FRS2: variants seen among roughly 807,000 people sequenced by gnomAD.
FRS2 encodes the protein FGFR signalling adaptor.
Under a neutral mutation model 43.9 loss-of-function variants are expected in FRS2, and 8 were observed. The ratio of observed to expected loss-of-function variants is 0.18; its 90% confidence interval spans 0.11 to 0.33. The LOEUF (loss-of-function observed/expected upper bound fraction) is 0.33, where lower values mean the gene tolerates loss of function less well. FRS2 is among the 10% of genes least tolerant of loss of function. The pLI, the probability that FRS2 is intolerant of heterozygous loss-of-function variation, is 1.00. For synonymous variants in FRS2, 219 were observed against 220.3 expected, an observed-to-expected ratio of 0.99 and a Z score of 0.05; for missense variants, 534 against 627.6, an observed-to-expected ratio of 0.85 and a Z score of 1.59.
chr12:69,480,379 A>G (rs759536526), intron 1 of FRS2: 1 of 152,118 alleles, frequency 6.6e-6, no homozygotes, highest in Non-Finnish European at 1.5e-5. Context: ...ATCATAAAAT[A>G]TTTGTCTTTT....
intron 1 of FRS2, among the ~76,000 whole-genome samples, chr12:69,471,851 T>C (rs1182505049): frequency 6.6e-6 from 1 of 152,198 alleles, no homozygotes; most frequent in East Asian, 1.9e-4. Flanking sequence ...GTTTATTCTG[T>C]AGTTTTTTGG....
chr12:69,509,637 CTG>C (rs1874277683), intron 1 of FRS2, among the ~76,000 whole-genome samples: 1 of 152,128 alleles, frequency 6.6e-6, no homozygotes, highest in African/African-American at 2.4e-5. Flanking sequence ...ATTCTACTTT[CTG>C]TCTTTATCAG....
intron 3 of FRS2, among the ~76,000 whole-genome samples, chr12:69,536,366 G>A (rs970339145): frequency 6.6e-6 from 1 of 151,378 alleles, no homozygotes; most frequent in Non-Finnish European, 1.5e-5. Flanking sequence ...TCAGGTGATC[G>A]CCCGCCTCAG....
chr12:69,475,658 T>C (rs1270838825), intron 1 of FRS2, among the ~76,000 whole-genome samples: 1 of 152,212 alleles, frequency 6.6e-6, no homozygotes, highest in Non-Finnish European at 1.5e-5. Flanking sequence ...GTATTCAACC[T>C]TGGGAGAGTC....
intron 1 of FRS2, among the ~76,000 whole-genome samples, chr12:69,476,439 G>A (rs1573630): frequency 2.6e-5 from 4 of 151,874 alleles, no homozygotes; most frequent in Admixed American, 1.3e-4. Flanking sequence ...TAAATAACTC[G>A]CCTTTGACAT....
At chr12:69,500,687 A>C (rs778232881) in intron 1 of FRS2, among the ~76,000 whole-genome samples, 1 of 152,098 alleles carries the variant, frequency 6.6e-6, no homozygotes, top group Non-Finnish European at 1.5e-5. Context: ...TCATCTTTTT[A>C]TATATGAACT....
At chr12:69,513,147 G>GT (rs1244742261) in intron 1 of FRS2, among the ~76,000 whole-genome samples, 4 of 77,124 alleles carry the variant, frequency 5.2e-5, no homozygotes, top group Admixed American at 1.1e-4. Flanking sequence ...AAAGTTTGGA[G>GT]TTTGTTTTTT....
intron 1 of FRS2, among the ~76,000 whole-genome samples, chr12:69,477,515 C>G (rs1303147373): frequency 6.6e-6 from 1 of 151,068 alleles, no homozygotes; most frequent in African/African-American, 2.5e-5. Flanking sequence ...ATCTCCTGAC[C>G]TCGTGATCTG....
chr12:69,574,587 G>A lies in FRS2; in HGVS notation c.1159G>A (p.Asp387Asn). The change falls in exon 9 of 9, where the codon GAT (aspartate) becomes AAT (asparagine). Residue 387 changes from aspartate to asparagine, a missense_variant. Transcript: ENST00000549921. Reference sequence around the variant, plus strand: ...TCTAAATGGCTACCATAATAATCTAGATCCAATGCATAACTATGTAAATAC... The same window carrying A: ...TCTAAATGGCTACCATAATAATCTAAATCCAATGCATAACTATGTAAATAC... Reference protein sequence around the residue: ...PSLNGYHNNLDPMHNYVNTEN... With the variant: ...PSLNGYHNNLNPMHNYVNTEN... 1 of 1,613,956 alleles carries A rather than the reference G, an allele frequency of 6.2e-7. No individual in the cohort carries two copies. The highest frequency in any genetic ancestry group is 8.5e-7 in the Non-Finnish European group (1 of 1,179,874).
intron 1 of FRS2, among the ~76,000 whole-genome samples, chr12:69,485,967 A>T (rs1294035618): frequency 6.6e-6 from 1 of 152,222 alleles, no homozygotes; most frequent in Admixed American, 6.5e-5. Context: ...ACTAGAATGT[A>T]CATTCCTTCA....
At chr12:69,478,522 C>G (rs1037920966) in intron 1 of FRS2, among the ~76,000 whole-genome samples, 1 of 152,168 alleles carries the variant, frequency 6.6e-6, no homozygotes, top group Non-Finnish European at 1.5e-5. Context: ...ATCTTCATGA[C>G]ACCTCTCACC....
chr12:69,520,524 G>T (rs1329487254), intron 1 of FRS2, among the ~76,000 whole-genome samples: 2 of 151,778 alleles, frequency 1.3e-5, no homozygotes, highest in Admixed American at 1.3e-4. Flanking sequence ...TGCCTAGGTT[G>T]TCTTCCAGAG....
chr12:69,518,671 G>A lies in FRS2; in HGVS notation c.-260-12194G>A, dbSNP rs548764106. On this transcript the variant is annotated intron_variant, in intron 1 of 8. Transcript: ENST00000549921. ...CGAGGCTGCAGTGAGCAGAGATGGC[G>A]CCACTGCACTCCAGCCTAGTTGACA... Among the ~76,000 whole-genome samples the A allele has an allele frequency of 1.5e-4, 22 of 150,418 alleles. No individual in the cohort carries two copies. The East Asian group carries it at 2.8e-3, about 19-fold the overall frequency.
At chr12:69,480,102 A>G (rs1871223238) in intron 1 of FRS2, among the ~76,000 whole-genome samples, 1 of 152,074 alleles carries the variant, frequency 6.6e-6, no homozygotes, top group Admixed American at 6.6e-5. Context: ...TATTATGCCC[A>G]TTTTTTTCAT....
At chr12:69,491,296 ATGT>A (rs1376481652) in intron 1 of FRS2, among the ~76,000 whole-genome samples, 1 of 152,016 alleles carries the variant, frequency 6.6e-6, no homozygotes, top group African/African-American at 2.4e-5. Context: ...AGGTTTTGCC[ATGT>A]TGTCCAGGCT....
In FRS2 at chr12:69,506,028, C is replaced by G. The variant is rs142919583; in HGVS notation, c.-260-24837C>G. Among the ~76,000 whole-genome samples, 1,433 of 152,086 alleles carry G rather than the reference C, an allele frequency of 9.4e-3. 24 individuals are homozygous for G. Among genetic ancestry groups the G allele is most frequent in the African/African-American group, 0.032 (1,323 of 41,494 alleles). On this transcript the variant is annotated intron_variant, in intron 1 of 8. Coordinates refer to ENST00000549921, the MANE Select transcript of FRS2 (RefSeq NM_001278356.2). ...GTTTTCTTTAATGTTTTTATACTAA[C>G]CTAAAAATTTCTCCTAGTGCTTTAA...
chr12:69,486,372 T>C (rs1270671968), intron 1 of FRS2: 1 of 152,204 alleles, frequency 6.6e-6, no homozygotes, highest in Non-Finnish European at 1.5e-5. Context: ...ACTATTGTAA[T>C]TGTTTTGGGG....
At chr12:69,569,250 A>G (rs953459899) in intron 5 of FRS2, among the ~76,000 whole-genome samples, 154 bp downstream of exon 5, 1 of 152,198 alleles carries the variant, frequency 6.6e-6, no homozygotes, top group Non-Finnish European at 1.5e-5. Flanking sequence ...AATGATGACA[A>G]CATTTTCTTA....
chr12:69,471,588 C>G (rs897686106), intron 1 of FRS2, among the ~76,000 whole-genome samples: 1 of 152,076 alleles, frequency 6.6e-6, no homozygotes, highest in Non-Finnish European at 1.5e-5. Context: ...TGAGGATTTC[C>G]TAGGGGAGAA....
Sources: allele counts gnomAD v4.1 joint callset (sites outside exome capture counted in the v4.1 genomes callset), GRCh38; gene constraint gnomAD v4.1.1; transcripts MANE v1.5; gene names NCBI Gene and HGNC (gene_info 2026-07-23, HGNC 2026-07-21).